KMT2D: variants seen among roughly 807,000 people sequenced by gnomAD.
The protein encoded by KMT2D is histone-lysine N-methyltransferase 2D.
In KMT2D, 55 loss-of-function variants were observed where a neutral mutation model predicts 512.7. The ratio of observed to expected loss-of-function variants is 0.11; its 90% CI spans 0.09 to 0.13. KMT2D has a LOEUF of 0.13. Among genes scored for constraint, KMT2D ranks in the 10% least tolerant of loss-of-function variants. The pLI is 1.00. For missense variants in KMT2D, 6,061 were observed against 7,127.9 expected, an observed-to-expected ratio of 0.85 and a Z score of 5.39; for synonymous variants, 2,995 against 2,904.0, an observed-to-expected ratio of 1.03 and a Z score of -1.01.
intron 45 of KMT2D, 48 bp from the exon 46 acceptor site, chr12:49,029,006 A>AGCTTCGGACAAC (rs1161479444): frequency 6.2e-7 from 1 of 1,608,564 alleles, no homozygotes; most frequent in African/African-American, 1.3e-5. Flanking sequence ...CCTCTCCCCC[A>AGCTTCGGACAAC]GCTTCGGACA....
chr12:49,048,624 C>A (rs146854102), intron 14 of KMT2D, 35 bp downstream of exon 14: 2 of 1,378,704 alleles, frequency 1.5e-6, no homozygotes, highest in Admixed American at 3.4e-5. Flanking sequence ...CACACATACA[C>A]AATGTTCAGT....
At chr12:49,055,508 C>T in intron 1 of KMT2D, 147 bp from the exon 2 acceptor site, 2 of 583,878 alleles carry the variant, frequency 3.4e-6, no homozygotes, top group Non-Finnish European at 6.1e-6. Flanking sequence ...GAAAGTCATT[C>T]TCCCTAACCT....
rs765344561 is a variant in KMT2D, at chr12:49,049,819, G to A, written c.3769C>T (p.Leu1257=). The change falls in exon 12 of 55, where the codon CTA becomes TTA. Residue 1257 remains leucine (L), a synonymous_variant. Transcript: ENST00000301067. ...DVSPARDEGS[L]RLCTDSLPET... ...GGCAGTGAGTCAGTACAGAGCCGTA[G>A]GGAGCCCTCATCTCGGGCTGGACTA... 60 of 1,613,852 alleles carry A rather than the reference G, an allele frequency of 3.7e-5. 1 individual carries two copies. The South Asian group carries it at 6.1e-4, about 17-fold the overall frequency.
At position 49,034,298 on chromosome 12, in the gene KMT2D, A is replaced by G; in HGVS notation, c.10509T>C (p.Asn3503=). The stretch of plus-strand genomic sequence containing the variant: ...CCTCATACTGCCGCTGGTCAGCTTC[A>G]TCTGGGAAAAGAAGCTGGGTGTCAG... ...NPPTFAQGVI[N]EADQRQYEEW... Residue 3503 remains asparagine, a splice_region_variant and synonymous_variant, in exon 39 of 55, where the codon AAT becomes AAC. Transcript: ENST00000301067. 2 of 1,611,826 alleles carry G rather than the reference A, an allele frequency of 1.2e-6. No homozygotes were observed. Among genetic ancestry groups the G allele is most frequent in the Non-Finnish European group, 1.7e-6 (2 of 1,178,126 alleles).
rs370442624 is a variant in KMT2D at position 49,039,665 on chromosome 12, T to C, written c.8047-48A>G. ...GAATAAGCCCATTCTACTCCAATCATAGGGCTGCCCCAGAGACAGGAGCGA... is the reference window on the plus strand; with the variant it reads ...GAATAAGCCCATTCTACTCCAATCACAGGGCTGCCCCAGAGACAGGAGCGA... On this transcript the variant is annotated intron_variant, in intron 32 of 54. Transcript: ENST00000301067. The surrounding 1 kb of genome is among the most constrained non-coding windows in gnomAD (Gnocchi z 5.0). 28 of 1,602,620 alleles carry C rather than the reference T, an allele frequency of 1.7e-5. No individual in the cohort carries two copies. The highest frequency in any genetic ancestry group is 9.3e-5 in the African/African-American group (7 of 74,872).
intron 1 of KMT2D, among the ~76,000 whole-genome samples, chr12:49,056,164 C>T (rs542702767): frequency 6.6e-6 from 1 of 152,328 alleles, no homozygotes; most frequent in African/African-American, 2.4e-5. Context: ...AGGCCTGAGG[C>T]TAAGCATGCT....
chr12:49,021,545 T>G lies in KMT2D; in HGVS notation c.*235A>C, dbSNP rs1184629106. On this transcript the variant is annotated 3_prime_UTR_variant, in exon 55 of 55. Transcript: ENST00000301067. Reference sequence around the variant, plus strand: ...GCTTCTGTCTGGCCCCTCCTGGAGCTGGGGGCAGAGATGCCAGCCTGAGGG... The same window carrying G: ...GCTTCTGTCTGGCCCCTCCTGGAGCGGGGGGCAGAGATGCCAGCCTGAGGG... 3.7e-6 allele frequency: 2 copies of G among 547,010 alleles called. No homozygotes were observed. Among genetic ancestry groups the G allele is most frequent in the Admixed American group, 6.4e-5 (2 of 31,360 alleles). 33.9% of individuals were successfully genotyped at this position (547,010 alleles called of 1,614,324 possible).
intron 7 of KMT2D, 49 bp downstream of exon 7, chr12:49,053,427 C>G (rs1355131917): frequency 6.2e-7 from 1 of 1,610,684 alleles, no homozygotes; most frequent in East Asian, 2.2e-5. Flanking sequence ...CATTTTCAAC[C>G]CTAACCTGTG....
chr12:49,039,663 C>T lies in KMT2D; in HGVS notation c.8047-46G>A, dbSNP rs2120514287. 1 of 1,602,412 alleles carries T rather than the reference C, an allele frequency of 6.2e-7. No individual in the cohort carries two copies. Among genetic ancestry groups the T allele is most frequent in the Non-Finnish European group, 8.5e-7 (1 of 1,175,450 alleles). ...AGGAATAAGCCCATTCTACTCCAATCATAGGGCTGCCCCAGAGACAGGAGC... is the reference window on the plus strand; with the variant it reads ...AGGAATAAGCCCATTCTACTCCAATTATAGGGCTGCCCCAGAGACAGGAGC... On this transcript the variant is annotated intron_variant, in intron 32 of 54. Coordinates refer to ENST00000301067, the MANE Select transcript of KMT2D (RefSeq NM_003482.4). This position sits in a 1 kb window ranked among gnomAD's most constrained non-coding sequence, Gnocchi z 5.0.
rs1351148592 is a variant in KMT2D, at chr12:49,053,065, C to T, written c.962G>A (p.Arg321Gln). Residue 321 changes from arginine to glutamine, a missense_variant, in exon 9 of 55, where the codon CGG (arginine) becomes CAG (glutamine). By Grantham distance (43) the Arg-to-Gln change is conservative. Transcript: ENST00000301067. ...PAHSWKCKAC[R>Q]VCRACGAGSA... Reference sequence around the variant, plus strand: ...GCCCGCCCCACAGGCCCGGCACACCCGGCACGCCTAAGGGAAGGGAGTGGG... The same window carrying T: ...GCCCGCCCCACAGGCCCGGCACACCTGGCACGCCTAAGGGAAGGGAGTGGG... 6 of 1,614,036 alleles carry T rather than the reference C, an allele frequency of 3.7e-6. No homozygotes were observed. Among genetic ancestry groups the T allele is most frequent in the Non-Finnish European group, 5.1e-6 (6 of 1,179,886 alleles).
chr12:49,033,565 T>G lies in KMT2D; in HGVS notation c.11140A>C (p.Arg3714=). ...LALRSLGPDS[R]LLQERQLQLQ... ...TGCAGCTGCCTTTCCTGTAAAAGCC[T>G]TGAATCAGGTCCGAGGCTTCGAAGA... Residue 3714 remains arginine, a synonymous_variant, in exon 40 of 55, where the codon AGG becomes CGG. Transcript: ENST00000301067. The G allele has an allele frequency of 6.2e-7, 1 of 1,613,478 alleles. No individual in the cohort carries two copies. Among genetic ancestry groups the G allele is most frequent in the Non-Finnish European group, 8.5e-7 (1 of 1,179,780 alleles).
At chr12:49,047,644 T>G (rs978681369) in intron 15 of KMT2D, among the ~76,000 whole-genome samples, 18 of 151,990 alleles carry the variant, frequency 1.2e-4, no homozygotes, top group Middle Eastern at 3.4e-3. Flanking sequence ...GGTCCTGAAC[T>G]CCTAATCTCA....
In KMT2D at chr12:49,044,803, A is replaced by C; in HGVS notation, c.4904T>G (p.Leu1635Arg). Residue 1635 changes from leucine (L) to arginine (R), a missense_variant, in exon 20 of 55, where the codon CTT (leucine) becomes CGT (arginine). By Grantham distance (102) the Leu-to-Arg change is moderately radical. This residue lies in a region of KMT2D where 640 missense variants were observed against 814.3 expected (regional missense o/e 0.79). Transcript: ENST00000301067. This position sits in a 1 kb window ranked among gnomAD's most constrained non-coding sequence, Gnocchi z 6.4. Reference sequence around the variant, plus strand: ...CCCATCCTTCTTGTCATCAGGGCCAAGGGCATCTGAGGGCTCAGAACCCTC... The same window carrying C: ...CCCATCCTTCTTGTCATCAGGGCCACGGGCATCTGAGGGCTCAGAACCCTC... ...GLEGSEPSDA[L>R]GPDDKKDGDL... The C allele has an allele frequency of 1.9e-6, 3 of 1,614,054 alleles. No individual in the cohort carries two copies. The highest frequency in any genetic ancestry group is 2.5e-6 in the Non-Finnish European group (3 of 1,179,904).
intron 54 of KMT2D, 61 bp downstream of exon 54, chr12:49,021,982 C>T: frequency 6.4e-7 from 1 of 1,558,354 alleles, no homozygotes. Context: ...TAGGGAATGG[C>T]AGAGAAGGGG....
At chr12:49,043,533 T>C in intron 24 of KMT2D, 102 bp downstream of exon 24, 1 of 1,591,144 alleles carries the variant, frequency 6.3e-7, no homozygotes, top group South Asian at 1.1e-5. Context: ...GACCCCACCC[T>C]TGACTCCTGG....
chr12:49,041,605 G>A lies in KMT2D; in HGVS notation c.6234+50C>T, dbSNP rs1419023996. The A allele has an allele frequency of 1.2e-6, 2 of 1,612,998 alleles. No individual in the cohort carries two copies. Among genetic ancestry groups the A allele is most frequent in the East Asian group, 4.5e-5 (2 of 44,872 alleles). On this transcript the variant is annotated intron_variant, in intron 31 of 54. Coordinates refer to ENST00000301067, the MANE Select transcript of KMT2D (RefSeq NM_003482.4). The surrounding 1 kb of genome is among the most constrained non-coding windows in gnomAD (Gnocchi z 5.4). ...AGGCCCCATGGCCCTCCACCCTCAAGAGAGGCCACCCACTAGAGGACTGCT... is the reference window on the plus strand; with the variant it reads ...AGGCCCCATGGCCCTCCACCCTCAAAAGAGGCCACCCACTAGAGGACTGCT...
In KMT2D at chr12:49,050,428, G is replaced by A. The variant is rs1301204699; in HGVS notation, c.3160C>T (p.Pro1054Ser). The stretch of plus-strand genomic sequence containing the variant: ...ACTACCTTCCCTATGGGACTCAACG[G>A]GGAGGGAACGGACAGTGGTAGGGCA... The part of the protein sequence containing the change: ...PPALPLSVPS[P>S]LSPIGKVVGV... The change falls in exon 12 of 55, where the codon CCG (proline) becomes TCG (serine). Residue 1054 changes from proline to serine, a missense_variant. Around this residue, in one of 16 missense-constraint regions of KMT2D, gnomAD observed 447 missense variants for 500.1 expected, o/e 0.89. Transcript: ENST00000301067. 1 of 1,613,852 alleles carries A rather than the reference G, an allele frequency of 6.2e-7. No individual in the cohort carries two copies. The highest frequency in any genetic ancestry group is 8.5e-7 in the Non-Finnish European group (1 of 1,179,870).
rs1244166667 is a variant in KMT2D, at chr12:49,046,451, T to A, written c.4419-27A>T. 6.2e-7 allele frequency: 1 copy of A among 1,609,762 alleles called. No individual in the cohort carries two copies. Among genetic ancestry groups the A allele is most frequent in the East Asian group, 2.2e-5 (1 of 44,778 alleles). ...TGATAGGAGCAGGAAAACAGAGCTT[T>A]AGCACCCAACCTACCCGAAGTACCC... is the stretch of plus-strand genomic sequence containing the variant. On this transcript the variant is annotated intron_variant, in intron 16 of 54. Coordinates refer to ENST00000301067, the MANE Select transcript of KMT2D (RefSeq NM_003482.4). The surrounding 1 kb of genome is among the most constrained non-coding windows in gnomAD (Gnocchi z 4.2).
In KMT2D at chr12:49,044,026, C is replaced by T. The variant is rs771415047; in HGVS notation, c.5189-28G>A. The T allele has an allele frequency of 5.0e-6, 8 of 1,612,760 alleles. 1 individual carries two copies. In the South Asian group the frequency reaches 6.6e-5, roughly 13 times the overall value. On this transcript the variant is annotated intron_variant, in intron 22 of 54. Coordinates refer to ENST00000301067, the MANE Select transcript of KMT2D (RefSeq NM_003482.4). This position sits in a 1 kb window ranked among gnomAD's most constrained non-coding sequence, Gnocchi z 6.4. ...GTGGACAGAACGGAAGTGTCAGACTCGGGTTGAGAGCATGCTGCTCCCAAC... is the reference window on the plus strand; with the variant it reads ...GTGGACAGAACGGAAGTGTCAGACTTGGGTTGAGAGCATGCTGCTCCCAAC...
Sources: gnomAD v4.1 joint callset for allele counts (sites outside exome capture counted in the v4.1 genomes callset) on GRCh38, gnomAD v4.1.1 for gene constraint, gnomAD v4.1.1 regional missense constraint, Gnocchi (gnomAD v3.1) non-coding constraint, MANE v1.5 for transcripts, NCBI Gene and HGNC (gene_info 2026-07-23, HGNC 2026-07-21) for gene names.